TBC1D5: variants seen among roughly 807,000 people sequenced by gnomAD.
The protein encoded by TBC1D5 is TBC1 domain family member 5.
TBC1D5 carries 75 observed loss-of-function variants against 100.3 expected under a neutral mutation model. That is an observed-to-expected ratio of 0.75 (90% CI 0.62 to 0.91). TBC1D5 has a LOEUF of 0.91. TBC1D5 is among the 40% of genes least tolerant of loss of function. TBC1D5 has a pLI of 0.00. For synonymous variants in TBC1D5, 323 were observed against 325.6 expected (o/e 0.99, Z 0.09); for missense variants, 910 against 942.4 (o/e 0.97, Z 0.45).
chr3:17,208,600 C>T (rs1283080944), intron 18 of TBC1D5, among the ~76,000 whole-genome samples: 1 of 152,206 alleles, frequency 6.6e-6, no homozygotes, highest in Non-Finnish European at 1.5e-5. Flanking sequence ...CCAAAGTTAG[C>T]AAATATACTA....
intron 15 of TBC1D5, among the ~76,000 whole-genome samples, chr3:17,287,825 G>A (rs1369623857): frequency 6.6e-6 from 1 of 152,144 alleles, no homozygotes; most frequent in African/African-American, 2.4e-5. Context: ...ATGATGGTAG[G>A]ATAAAGCGCT....
chr3:17,337,187 G>T (rs1187242133), intron 13 of TBC1D5, among the ~76,000 whole-genome samples: 1 of 144,164 alleles, frequency 6.9e-6, no homozygotes, highest in East Asian at 2.0e-4. Flanking sequence ...GATTTAGTGA[G>T]TCTGGGGTGG....
intron 1 of TBC1D5, among the ~76,000 whole-genome samples, chr3:17,729,692 G>A (rs746629979): frequency 9.2e-5 from 14 of 151,634 alleles, no homozygotes; most frequent in Admixed American, 2.0e-4. Flanking sequence ...GGGAGACAGA[G>A]CGAGACTGTC....
chr3:17,470,674 C>T (rs548932233), intron 3 of TBC1D5, among the ~76,000 whole-genome samples: 38 of 152,162 alleles, frequency 2.5e-4, no homozygotes, highest in African/African-American at 8.2e-4. Flanking sequence ...GTAATCCCAG[C>T]ACTTTGGGAG....
chr3:17,212,597 T>C (rs1357553771), intron 18 of TBC1D5, among the ~76,000 whole-genome samples: 3 of 152,102 alleles, frequency 2.0e-5, no homozygotes, highest in Non-Finnish European at 4.4e-5. Context: ...GTGATAGCTC[T>C]ATGAGTGTCA....
chr3:17,675,518 C>T (rs1327300492), intron 1 of TBC1D5, among the ~76,000 whole-genome samples: 1 of 152,104 alleles, frequency 6.6e-6, no homozygotes, highest in African/African-American at 2.4e-5. Context: ...CACTGCAAAC[C>T]AACCAGGGTC....
At chr3:17,603,407 T>C (rs1194015977) in intron 2 of TBC1D5, among the ~76,000 whole-genome samples, 1 of 152,128 alleles carries the variant, frequency 6.6e-6, no homozygotes, top group Non-Finnish European at 1.5e-5. Flanking sequence ...TGGTCATCCT[T>C]AAGGTTCTTA....
intron 3 of TBC1D5, among the ~76,000 whole-genome samples, chr3:17,497,087 GACACACACACACAC>G (rs71049202): frequency 1.3e-3 from 163 of 129,084 alleles, no homozygotes; most frequent in African/African-American, 3.4e-3. Context: ...CTCTCTCTCT[GACACACACACACAC>G]ACACACACAC....
At chr3:17,634,444 G>T (rs2063737660) in intron 1 of TBC1D5, among the ~76,000 whole-genome samples, 1 of 152,128 alleles carries the variant, frequency 6.6e-6, no homozygotes, top group Non-Finnish European at 1.5e-5. Flanking sequence ...GGAACTGGAG[G>T]TCACTATGTT....
intron 1 of TBC1D5, among the ~76,000 whole-genome samples, chr3:17,639,268 C>T (rs1331182941): frequency 6.6e-6 from 1 of 152,016 alleles, no homozygotes; most frequent in Non-Finnish European, 1.5e-5. Flanking sequence ...AAGATAGGCA[C>T]CACAGACCAA....
intron 2 of TBC1D5, among the ~76,000 whole-genome samples, chr3:17,535,890 CA>C (rs997205938): frequency 1.3e-4 from 20 of 150,554 alleles, no homozygotes; most frequent in East Asian, 1.9e-4. Context: ...TGGCAATTAC[CA>C]AAAAAAAATC....
At chr3:17,403,109 G>A in intron 8 of TBC1D5, 72 bp downstream of exon 8, 3 of 1,327,742 alleles carry the variant, frequency 2.3e-6, no homozygotes, top group South Asian at 3.0e-5. Flanking sequence ...CAGATTTTGT[G>A]TTTTGTTAAA....
At chr3:17,705,545 A>G (rs2074012967) in intron 1 of TBC1D5, among the ~76,000 whole-genome samples, 1 of 141,834 alleles carries the variant, frequency 7.1e-6, no homozygotes, top group African/African-American at 2.6e-5. Context: ...GCGGCCGGGC[A>G]GAGACGCTCC....
At chr3:17,510,266 T>A (rs1047129965) in intron 2 of TBC1D5, among the ~76,000 whole-genome samples, 2 of 152,030 alleles carry the variant, frequency 1.3e-5, no homozygotes. Context: ...CTATTTACTT[T>A]CTCTGTAAAA....
chr3:17,702,237 A>C (rs1221535592), intron 1 of TBC1D5: 1 of 152,164 alleles, frequency 6.6e-6, no homozygotes, highest in Non-Finnish European at 1.5e-5. Context: ...TTTTAAATGC[A>C]GTTCATTTAA....
intron 2 of TBC1D5, among the ~76,000 whole-genome samples, chr3:17,589,128 G>T (rs972879674): frequency 2.6e-5 from 4 of 152,198 alleles, no homozygotes; most frequent in African/African-American, 9.6e-5. Flanking sequence ...ACAATACAAT[G>T]AAGTTCTGAG....
At chr3:17,431,823 G>A in intron 3 of TBC1D5, among the ~76,000 whole-genome samples, 1 of 152,034 alleles carries the variant, frequency 6.6e-6, no homozygotes, top group East Asian at 1.9e-4. Flanking sequence ...AGAATGAATG[G>A]AATTTCAGAC....
At chr3:17,610,966 T>C (rs941655668) in intron 2 of TBC1D5, among the ~76,000 whole-genome samples, 7 of 152,048 alleles carry the variant, frequency 4.6e-5, no homozygotes, top group East Asian at 1.9e-4. Flanking sequence ...GCCGAGACCA[T>C]GCCATTGCAC....
At chr3:17,235,436 ACT>A (rs1238186807) in intron 17 of TBC1D5, among the ~76,000 whole-genome samples, 1 of 152,168 alleles carries the variant, frequency 6.6e-6, no homozygotes, top group Non-Finnish European at 1.5e-5. Flanking sequence ...TAAGTAGATG[ACT>A]CTGTTCTGAG....
Sources: allele counts gnomAD v4.1 joint callset (sites outside exome capture counted in the v4.1 genomes callset), GRCh38; gene constraint gnomAD v4.1.1; transcripts MANE v1.5; gene names NCBI Gene and HGNC (gene_info 2026-07-23, HGNC 2026-07-21).